The following DYNC1LI1 variants were observed in gnomAD, a reference collection of about 807,000 sequenced individuals.
The protein encoded by DYNC1LI1 is dynein cytoplasmic 1 light intermediate chain 1.
In DYNC1LI1, 19 loss-of-function variants were observed where a neutral mutation model predicts 63.8. The ratio of observed to expected loss-of-function variants is 0.30; its 90% CI spans 0.21 to 0.44. The LOEUF (loss-of-function observed/expected upper bound fraction) is 0.44. Ranked by LOEUF, DYNC1LI1 falls within the 20% of genes least tolerant of loss-of-function variation. DYNC1LI1 has a pLI of 1.00. For missense variants in DYNC1LI1, 565 were observed against 630.2 expected, an observed-to-expected ratio of 0.90 and a Z score of 1.11; for synonymous variants, 225 against 232.3, an observed-to-expected ratio of 0.97 and a Z score of 0.28.
rs922322954 is a variant in DYNC1LI1 at position 32,570,829 on chromosome 3, T to C, written c.-59A>G. On this transcript the variant is annotated 5_prime_UTR_variant, in exon 1 of 13. Transcript: ENST00000273130. ...TAAATGTGCGAGGCGGCTGAGGCGG[T>C]GGCGGTGGAGGCGGCGGGAACCCGG... 1.8e-5 allele frequency: 26 copies of C among 1,431,898 alleles called. No homozygotes were observed. Among genetic ancestry groups the C allele is most frequent in the Non-Finnish European group, 2.4e-5 (26 of 1,074,636 alleles). The allele number at this position is 1,431,898 out of a possible 1,614,324, so 88.7% of individuals were successfully genotyped here.
intron 6 of DYNC1LI1, among the ~76,000 whole-genome samples, chr3:32,536,609 A>G (rs985455398): frequency 6.6e-6 from 1 of 152,160 alleles, no homozygotes; most frequent in Non-Finnish European, 1.5e-5. Context: ...CTGTTAGGCT[A>G]TATGTGGAGA....
rs933572204 is a variant in DYNC1LI1, at chr3:32,526,105, ACTT to A, written c.*691_*693del. 10 of 152,516 alleles carry A rather than the reference ACTT, an allele frequency of 6.6e-5. No individual in the cohort carries two copies. The highest frequency in any genetic ancestry group is 2.4e-4 in the African/African-American group (10 of 41,390). 9.4% of individuals were successfully genotyped at this position (152,516 alleles called of 1,614,324 possible). Reference sequence around the variant, plus strand: ...TGTATAGACAAATCCAAAGATTGTTACTTCTTTACATTTTAATAACCTCTGCAT... The same window carrying A: ...TGTATAGACAAATCCAAAGATTGTTACTTTACATTTTAATAACCTCTGCAT... On this transcript the variant is annotated 3_prime_UTR_variant, in exon 13 of 13. Coordinates refer to ENST00000273130, the MANE Select transcript of DYNC1LI1 (RefSeq NM_016141.4).
chr3:32,542,069 G>C (rs1307179857), intron 4 of DYNC1LI1, among the ~76,000 whole-genome samples: 1 of 152,064 alleles, frequency 6.6e-6, no homozygotes. Flanking sequence ...GAAGGCCAAC[G>C]TATGATTCCA....
At position 32,533,277 on chromosome 3, in the gene DYNC1LI1, C is replaced by T. The variant is rs76066046; in HGVS notation, c.969-180G>A. Among the ~76,000 whole-genome samples the T allele has an allele frequency of 9.0e-3, 1,367 of 152,200 alleles. 29 individuals carry two copies. The highest frequency in any genetic ancestry group is 0.031 in the African/African-American group (1,298 of 41,524). On this transcript the variant is annotated intron_variant, in intron 7 of 12. Coordinates refer to ENST00000273130, the MANE Select transcript of DYNC1LI1 (RefSeq NM_016141.4). ...TTTCTACTTAAAATGAAAGCCTGGG[C>T]AACATGCCAAAACACCATCTCTACA...
rs1029390132 is a variant in DYNC1LI1, at chr3:32,537,120, A to G, written c.739-16T>C. ...TGGCATCACACTGTTAAGTTAAAAT[A>G]ATTAAAAATAATACATTTAAAATAA... On this transcript the variant is annotated splice_polypyrimidine_tract_variant and intron_variant, in intron 5 of 12. Coordinates refer to ENST00000273130, the MANE Select transcript of DYNC1LI1 (RefSeq NM_016141.4). 9.1e-6 allele frequency: 12 copies of G among 1,314,398 alleles called. No homozygotes were observed. Among genetic ancestry groups the G allele is most frequent in the Non-Finnish European group, 1.3e-5 (12 of 945,010 alleles). The allele number at this position is 1,314,398 out of a possible 1,614,324, so 81.4% of individuals were successfully genotyped here.
At chr3:32,539,484 G>C (rs1009258217) in intron 5 of DYNC1LI1, among the ~76,000 whole-genome samples, 5 of 152,010 alleles carry the variant, frequency 3.3e-5, no homozygotes, top group South Asian at 2.1e-4. Flanking sequence ...CTTACGAACA[G>C]TAAAAACACA....
chr3:32,566,706 C>G, intron 2 of DYNC1LI1: 1 of 436,744 alleles, frequency 2.3e-6, no homozygotes, highest in Non-Finnish European at 4.6e-6. Flanking sequence ...CCATTACACT[C>G]TAGCCGGGGC....
At chr3:32,532,207 T>A (rs1559434210) in intron 8 of DYNC1LI1, 1 of 152,150 alleles carries the variant, frequency 6.6e-6, no homozygotes, top group Non-Finnish European at 1.5e-5. Context: ...GGCTCACACC[T>A]GTAATCCCAG....
At chr3:32,568,216 C>T (rs374911359) in intron 2 of DYNC1LI1, among the ~76,000 whole-genome samples, 3 of 152,174 alleles carry the variant, frequency 2.0e-5, no homozygotes, top group African/African-American at 2.4e-5. Flanking sequence ...CATCCTCCTG[C>T]CTAGCACCTT....
chr3:32,537,106 TGTTAA>T lies in DYNC1LI1; in HGVS notation c.739-7_739-3del, dbSNP rs778829400. Reference sequence around the variant, plus strand: ...CTCCAATACACTAATGGCATCACACTGTTAAGTTAAAATAATTAAAAATAATACAT... The same window carrying T: ...CTCCAATACACTAATGGCATCACACTGTTAAAATAATTAAAAATAATACAT... On this transcript the variant is annotated splice_polypyrimidine_tract_variant and splice_region_variant and intron_variant, in intron 5 of 12. Transcript: ENST00000273130. 47 of 1,494,830 alleles carry T rather than the reference TGTTAA, an allele frequency of 3.1e-5. No homozygotes were observed. The highest frequency in any genetic ancestry group is 4.1e-5 in the Non-Finnish European group (45 of 1,101,350). The allele number at this position is 1,494,830 out of a possible 1,614,324, so 92.6% of individuals were successfully genotyped here. A position where few individuals can be genotyped will look rare whatever the true frequency, so the allele number is the denominator to read the frequency against.
intron 2 of DYNC1LI1, among the ~76,000 whole-genome samples, chr3:32,567,390 G>C (rs1480378123): frequency 6.6e-6 from 1 of 152,154 alleles, no homozygotes; most frequent in East Asian, 1.9e-4. Context: ...CAGGTTGTAG[G>C]AGGAGAGAGA....
chr3:32,527,992 G>A (rs1054323507), intron 12 of DYNC1LI1, among the ~76,000 whole-genome samples: 1 of 151,120 alleles, frequency 6.6e-6, no homozygotes, highest in African/African-American at 2.4e-5. Flanking sequence ...ATGGTGGCAG[G>A]TGCCTGTGAT....
intron 2 of DYNC1LI1, 151 bp from the exon 3 acceptor site, chr3:32,546,116 A>G (rs1697949227): frequency 5.2e-6 from 3 of 577,600 alleles, no homozygotes; most frequent in Non-Finnish European, 9.1e-6. Flanking sequence ...AGTATTAAAC[A>G]TGCAGACTTG....
At chr3:32,529,492 TTC>T in intron 11 of DYNC1LI1, 46 bp downstream of exon 11, 2 of 1,533,982 alleles carry the variant, frequency 1.3e-6, no homozygotes, top group Non-Finnish European at 1.8e-6. Context: ...ATAGATTTAT[TTC>T]TCTTGTAAAA....
chr3:32,535,592 T>C (rs373710032), intron 6 of DYNC1LI1, among the ~76,000 whole-genome samples: 2 of 152,194 alleles, frequency 1.3e-5, no homozygotes, highest in Non-Finnish European at 2.9e-5. Context: ...GAGACAAACA[T>C]AATCTTAGGC....
At chr3:32,537,268 G>A (rs751998845) in intron 5 of DYNC1LI1, 164 bp from the exon 6 acceptor site, 2 of 395,636 alleles carry the variant, frequency 5.1e-6, no homozygotes, top group Non-Finnish European at 9.0e-6. Context: ...TGAACTTTTA[G>A]TTGGAGGGAC....
In DYNC1LI1 at chr3:32,570,399, A is replaced by G. The variant is rs1478818203; in HGVS notation, c.167T>C (p.Val56Ala). Residue 56 changes from valine (V) to alanine (A), a missense_variant, in exon 2 of 13, where the codon GTC becomes GCC. Physicochemically the swap from Val to Ala is moderately conservative, Grantham distance 64. Transcript: ENST00000273130. ...GAGCTTGGAGCGCGAGCGGGTGGAG[A>G]CCTCGCTGAGGATGCAGGACCTAAC... ...QNLWSCILSE[V>A]STRSRSKLPA... 1 of 1,605,348 alleles carries G rather than the reference A, an allele frequency of 6.2e-7. No individual in the cohort carries two copies.
chr3:32,545,468 C>A, intron 3 of DYNC1LI1: 2 of 328,040 alleles, frequency 6.1e-6, no homozygotes, highest in Non-Finnish European at 5.6e-6. Flanking sequence ...AATGAGAAGG[C>A]AAGTGATCTA....
At chr3:32,537,983 A>ATT (rs1697811650) in intron 5 of DYNC1LI1, among the ~76,000 whole-genome samples, 1 of 23,420 alleles carries the variant, frequency 4.3e-5, no homozygotes, top group African/African-American at 2.8e-4. Context: ...TTTATATATA[A>ATT]TATATATATA....
Sources: gnomAD v4.1 joint callset for allele counts (sites outside exome capture counted in the v4.1 genomes callset) on GRCh38, gnomAD v4.1.1 for gene constraint, MANE v1.5 for transcripts, NCBI Gene and HGNC (gene_info 2026-07-23, HGNC 2026-07-21) for gene names.